Variants in RRP1B observed in about 807,000 individuals in gnomAD.
RRP1B encodes ribosomal RNA processing protein 1 homolog B.
A neutral mutation model predicts 80.2 loss-of-function variants in RRP1B; 56 were observed. That is an observed-to-expected ratio of 0.70 (90% CI 0.56 to 0.87). The LOEUF is 0.87. RRP1B is among the 40% of genes least tolerant of loss of function. RRP1B has a pLI of 0.00. For synonymous variants in RRP1B, 351 were observed against 357.6 expected (o/e 0.98, Z 0.21); for missense variants, 807 against 939.8 (o/e 0.86, Z 1.85).
At chr21:43,673,439 G>A (rs113288300) in intron 3 of RRP1B, among the ~76,000 whole-genome samples, 1 of 152,100 alleles carries the variant, frequency 6.6e-6, no homozygotes. Context: ...TTTGAGACCA[G>A]CCTGGCCAAC....
intron 8 of RRP1B, 116 bp from the exon 9 acceptor site, chr21:43,683,163 G>A (rs934107715): frequency 5.6e-5 from 42 of 751,172 alleles, no homozygotes; most frequent in African/African-American, 3.4e-4. Flanking sequence ...GTGAGCCACC[G>A]TGCCCAACCT....
Position 43,676,896 on chromosome 21 carries a change from G to C in RRP1B, c.778G>C (p.Val260Leu), listed in dbSNP as rs946669877. Residue 260 changes from valine to leucine, a missense_variant, in exon 8 of 16, where the codon GTC becomes CTC. Coordinates refer to ENST00000340648, the MANE Select transcript of RRP1B (RefSeq NM_015056.3). The stretch of plus-strand genomic sequence containing the variant: ...AAATGAGGTATCCTTGAGAAGAGCT[G>C]TCAGTAAAAAGAAGACAGGTAGGAG... ...PENEVSLRRA[V>L]SKKKTALGKN... The C allele has an allele frequency of 1.2e-6, 2 of 1,614,206 alleles. No individual in the cohort carries two copies. Among genetic ancestry groups the C allele is most frequent in the South Asian group, 1.1e-5 (1 of 91,074 alleles).
Position 43,687,916 on chromosome 21 carries a change from G to A in RRP1B, c.1542G>A (p.Pro514=), listed in dbSNP as rs143773984. The A allele has an allele frequency of 8.8e-5, 142 of 1,613,252 alleles. No individual in the cohort carries two copies. The African/African-American group carries it at 9.5e-4, about 11-fold the overall frequency. ...GSHPQGPRGS[P]TGGAQLLKRK... ...ATCCTCAGGGACCTAGAGGGTCCCCGACAGGTGGAGCCCAACTCCTAAAAA... is the reference window on the plus strand; with the variant it reads ...ATCCTCAGGGACCTAGAGGGTCCCCAACAGGTGGAGCCCAACTCCTAAAAA... Residue 514 remains proline (P), a synonymous_variant, in exon 13 of 16, where the codon CCG becomes CCA. Transcript: ENST00000340648.
chr21:43,669,571 G>A (rs140845575), intron 1 of RRP1B, among the ~76,000 whole-genome samples: 54 of 152,228 alleles, frequency 3.5e-4, no homozygotes, highest in East Asian at 1.2e-3. Context: ...CGTGGTGGGC[G>A]GGGAGGGCGT....
At position 43,659,688 on chromosome 21, in the gene RRP1B, C is replaced by T. The variant is rs1478936485; in HGVS notation, c.24C>T (p.Ala8=). 6 of 1,523,662 alleles carry T rather than the reference C, an allele frequency of 3.9e-6. No individual in the cohort carries two copies. The Admixed American group carries it at 1.0e-4, about 26-fold the overall frequency. The allele number at this position is 1,523,662 out of a possible 1,614,324, so 94.4% of individuals were successfully genotyped here. A position where few individuals can be genotyped will look rare whatever the true frequency, so the allele number is the denominator to read the frequency against. Residue 8 remains alanine (A), a synonymous_variant, in exon 1 of 16, where the codon GCC becomes GCT. Transcript: ENST00000340648. This position sits in a 1 kb window ranked among gnomAD's most constrained non-coding sequence, Gnocchi z 4.2. Reference sequence around the variant, plus strand: ...CGATGGCCCCCGCCATGCAGCCGGCCGAGATCCAATTTGCCCAGCGGCTGG... The same window carrying T: ...CGATGGCCCCCGCCATGCAGCCGGCTGAGATCCAATTTGCCCAGCGGCTGG... MAPAMQP[A]EIQFAQRLAS... is the part of the protein sequence containing the mutation.
At chr21:43,690,597 T>C (rs557286545) in intron 14 of RRP1B, among the ~76,000 whole-genome samples, 157 bp downstream of exon 14, 56 of 152,168 alleles carry the variant, frequency 3.7e-4, no homozygotes, top group Non-Finnish European at 7.4e-4. Flanking sequence ...GCATAAGGTC[T>C]GAGTGGTCTG....
chr21:43,685,660 A>G (rs1272301536), intron 10 of RRP1B, 110 bp from the exon 11 acceptor site: 5 of 784,542 alleles, frequency 6.4e-6, no homozygotes, highest in African/African-American at 5.4e-5. Context: ...CTATTTAACT[A>G]TGGCTTGTAT....
Position 43,683,363 on chromosome 21 carries a change from C to T in RRP1B, c.881C>T (p.Pro294Leu), listed in dbSNP as rs765619102. Reference sequence around the variant, plus strand: ...TGTGGAACCTTTGAGGACACAGGGCCCCTTCTCCAGGTGGGTAGCAGTTGT... The same window carrying T: ...TGTGGAACCTTTGAGGACACAGGGCTCCTTCTCCAGGTGGGTAGCAGTTGT... ...DDCGTFEDTG[P>L]LLQFDYKAVA... The change falls in exon 9 of 16, where the codon CCC becomes CTC. Residue 294 changes from proline (P) to leucine (L), a missense_variant. Pro to Leu is a moderately conservative substitution (Grantham distance 98). Transcript: ENST00000340648. 8 of 1,613,342 alleles carry T rather than the reference C, an allele frequency of 5.0e-6. No homozygotes were observed. The South Asian group carries it at 8.8e-5, about 18-fold the overall frequency.
intron 8 of RRP1B, among the ~76,000 whole-genome samples, chr21:43,680,777 T>G (rs1452642374): frequency 6.6e-6 from 1 of 152,122 alleles, no homozygotes; most frequent in East Asian, 1.9e-4. Flanking sequence ...ACTGTTAGGC[T>G]TAAGCATTCC....
intron 1 of RRP1B, among the ~76,000 whole-genome samples, chr21:43,662,300 T>G (rs1024101451): frequency 6.6e-6 from 1 of 152,178 alleles, no homozygotes; most frequent in African/African-American, 2.4e-5. Context: ...ACACCCAGAG[T>G]GACTTGTCTT....
At position 43,693,782 on chromosome 21, in the gene RRP1B, C is replaced by G. The variant is rs2083096493; in HGVS notation, c.*399C>G. The G allele has an allele frequency of 5.9e-6, 1 of 169,610 alleles. No homozygotes were observed. The highest frequency in any genetic ancestry group is 1.2e-5 in the Non-Finnish European group (1 of 80,888). 10.5% of individuals were successfully genotyped at this position (169,610 alleles called of 1,614,324 possible). On this transcript the variant is annotated 3_prime_UTR_variant, in exon 16 of 16. Coordinates refer to ENST00000340648, the MANE Select transcript of RRP1B (RefSeq NM_015056.3). This position sits in a 1 kb window ranked among gnomAD's most constrained non-coding sequence, Gnocchi z 4.1. ...TCTCAGTTCTGCGGAATTTGGTACT[C>G]ATTACCGTATTCGCCGTACTAAGTT... is the stretch of plus-strand genomic sequence containing the variant.
intron 1 of RRP1B, among the ~76,000 whole-genome samples, chr21:43,667,429 G>A (rs1034195881): frequency 6.6e-6 from 1 of 152,066 alleles, no homozygotes; most frequent in Non-Finnish European, 1.5e-5. Flanking sequence ...GTGTGTGTGT[G>A]TTTAAGACAG....
At chr21:43,676,975 A>G in intron 8 of RRP1B, 61 bp downstream of exon 8, 3 of 1,503,628 alleles carry the variant, frequency 2.0e-6, no homozygotes, top group South Asian at 2.4e-5. Context: ...TCAGACAAAC[A>G]GTTTTTAATA....
At chr21:43,677,899 CAT>C (rs2083028846) in intron 8 of RRP1B, among the ~76,000 whole-genome samples, 1 of 152,204 alleles carries the variant, frequency 6.6e-6, no homozygotes, top group African/African-American at 2.4e-5. Context: ...TTTGTCCACT[CAT>C]TGGTCAATGG....
chr21:43,691,580 C>A lies in RRP1B; in HGVS notation c.2083+78C>A. On this transcript the variant is annotated intron_variant, in intron 15 of 15. Transcript: ENST00000340648. The surrounding 1 kb of genome is among the most constrained non-coding windows in gnomAD (Gnocchi z 4.2). ...TGGCGCGGCTCGCAGCCTGGTTCCA[C>A]AAGGCGGTCGGGGAAGAGGGGGGTC... 7.6e-7 allele frequency: 1 copy of A among 1,318,330 alleles called. No homozygotes were observed. Among genetic ancestry groups the A allele is most frequent in the Non-Finnish European group, 1.1e-6 (1 of 915,310 alleles). The allele number at this position is 1,318,330 out of a possible 1,614,324, so 81.7% of individuals were successfully genotyped here. A position where few individuals can be genotyped will look rare whatever the true frequency, so the allele number is the denominator to read the frequency against.
At position 43,664,136 on chromosome 21, in the gene RRP1B, GTTTTAAAAGGGAACAA is replaced by G. The variant is rs975317816; in HGVS notation, c.130+4343_130+4358del. 2.0e-4 allele frequency among the ~76,000 whole-genome samples: 31 copies of G among 151,968 alleles called. No homozygotes were observed. In the East Asian group the frequency reaches 3.7e-3, roughly 18 times the overall value. On this transcript the variant is annotated intron_variant, in intron 1 of 15. Transcript: ENST00000340648. ...ACACAGACATAAATGGAAAATAGAT[GTTTTAAAAGGGAACAA>G]AATGGGCCGGGCGCAGTGGCTCACG... is the stretch of plus-strand genomic sequence containing the variant.
In RRP1B at chr21:43,676,881, TC is replaced by T; in HGVS notation, c.765del (p.Leu256Ter). ...TGAGGAGATACCTGAAAATGAGGTATCCTTGAGAAGAGCTGTCAGTAAAAAG... is the reference window on the plus strand; with the variant it reads ...TGAGGAGATACCTGAAAATGAGGTATCTTGAGAAGAGCTGTCAGTAAAAAG... ...SAEEIPENEV[S>X]LRRAVSKKKT... is the part of the protein sequence containing the mutation. On this transcript the variant is annotated frameshift_variant, in exon 8 of 16. Coordinates refer to ENST00000340648, the MANE Select transcript of RRP1B (RefSeq NM_015056.3). LOFTEE classifies it high-confidence loss of function. 6.2e-7 allele frequency: 1 copy of T among 1,614,214 alleles called. No individual in the cohort carries two copies. The highest frequency in any genetic ancestry group is 1.1e-5 in the South Asian group (1 of 91,078).
At position 43,687,653 on chromosome 21, in the gene RRP1B, C is replaced by T. The variant is rs749719187; in HGVS notation, c.1279C>T (p.Arg427Trp). Residue 427 changes from arginine (R) to tryptophan (W), a missense_variant, in exon 13 of 16, where the codon CGG becomes TGG. Transcript: ENST00000340648. ...GGAAPSLEQN[R>W]GREPEASGLK... is the part of the protein sequence containing the mutation. ...TGCAGCCCCATCCCTGGAACAGAAC[C>T]GGGGCAGGGAGCCCGAGGCCTCTGG... 1.1e-5 allele frequency: 17 copies of T among 1,582,300 alleles called. No homozygotes were observed. Among genetic ancestry groups the T allele is most frequent in the South Asian group, 2.3e-5 (2 of 87,540 alleles).
chr21:43,683,783 C>T (rs1291412426), intron 9 of RRP1B, among the ~76,000 whole-genome samples: 2 of 151,854 alleles, frequency 1.3e-5, no homozygotes, highest in East Asian at 1.9e-4. Context: ...AGTTCGAGAC[C>T]AGCCTGGCCA....
Sources: gnomAD v4.1 joint callset for allele counts (sites outside exome capture counted in the v4.1 genomes callset) on GRCh38, gnomAD v4.1.1 for gene constraint, Gnocchi (gnomAD v3.1) non-coding constraint, MANE v1.5 for transcripts, NCBI Gene and HGNC (gene_info 2026-07-23, HGNC 2026-07-21) for gene names.